The following POU6F2 variants were observed in gnomAD, a reference collection of about 807,000 sequenced individuals.
POU6F2 encodes the protein POU domain, class 6, transcription factor 2.
In POU6F2, 31 loss-of-function variants were observed where a neutral mutation model predicts 71.3. The ratio of observed to expected loss-of-function variants is 0.43; its 90% CI spans 0.33 to 0.59. The LOEUF is 0.59. Ranked by LOEUF, POU6F2 falls within the 20% of genes least tolerant of loss-of-function variation. The probability of loss-of-function intolerance (pLI) is 0.04; values close to 1 mark genes in which losing one functional copy is unlikely to be tolerated. For synonymous variants in POU6F2, 347 were observed against 355.7 expected (o/e 0.98, Z 0.27); for missense variants, 783 against 856.8 (o/e 0.91, Z 1.07).
chr7:39,419,998 C>T (rs555409629), intron 6 of POU6F2, among the ~76,000 whole-genome samples: 1 of 152,302 alleles, frequency 6.6e-6, no homozygotes, highest in Non-Finnish European at 1.5e-5. Flanking sequence ...GAGATATTAC[C>T]TGCTAGGCTC....
At chr7:39,225,971 GTTTTT>G (rs1297816460) in intron 4 of POU6F2, among the ~76,000 whole-genome samples, 1 of 151,070 alleles carries the variant, frequency 6.6e-6, no homozygotes, top group Non-Finnish European at 1.5e-5. Flanking sequence ...AAAAAAGGTT[GTTTTT>G]TTTTAAAAAA....
chr7:39,277,569 CA>C (rs1440194687), intron 4 of POU6F2, among the ~76,000 whole-genome samples: 2 of 152,204 alleles, frequency 1.3e-5, no homozygotes, highest in East Asian at 3.8e-4. Context: ...GCCTTGATTT[CA>C]GCCCTGGGGA....
chr7:39,009,395 T>C (rs944046023), intron 1 of POU6F2, among the ~76,000 whole-genome samples: 1 of 152,180 alleles, frequency 6.6e-6, no homozygotes, highest in African/African-American at 2.4e-5. Context: ...TTTGCTGAAG[T>C]TGCTTATCAG....
At chr7:39,263,969 T>A (rs927639202) in intron 4 of POU6F2, among the ~76,000 whole-genome samples, 2 of 152,226 alleles carry the variant, frequency 1.3e-5, no homozygotes, top group Non-Finnish European at 2.9e-5. Flanking sequence ...TTCTCCCAGC[T>A]CCTCAGTCTG....
intron 5 of POU6F2, among the ~76,000 whole-genome samples, chr7:39,380,851 C>T (rs1289420195): frequency 6.6e-6 from 1 of 152,108 alleles, no homozygotes; most frequent in Admixed American, 6.5e-5. Flanking sequence ...TTCCTCGTGT[C>T]GTGTGCACCA....
At chr7:39,268,338 T>C (rs1275100043) in intron 4 of POU6F2, among the ~76,000 whole-genome samples, 1 of 152,188 alleles carries the variant, frequency 6.6e-6, no homozygotes, top group Non-Finnish European at 1.5e-5. Context: ...CCTGATGTTA[T>C]CTTTATGAGT....
intron 2 of POU6F2, among the ~76,000 whole-genome samples, chr7:39,166,227 G>A (rs908393044): frequency 6.6e-6 from 1 of 152,174 alleles, no homozygotes; most frequent in African/African-American, 2.4e-5. Context: ...TTTAGGTCTG[G>A]TTTTTCAAAC....
intron 1 of POU6F2, among the ~76,000 whole-genome samples, chr7:38,988,197 C>T (rs914806556): frequency 2.6e-5 from 4 of 152,098 alleles, no homozygotes; most frequent in Admixed American, 1.3e-4. Flanking sequence ...GACTTGAACT[C>T]ATGTCATTTT....
At chr7:39,315,920 G>A (rs1785258284) in intron 4 of POU6F2, among the ~76,000 whole-genome samples, 1 of 152,134 alleles carries the variant, frequency 6.6e-6, no homozygotes, top group African/African-American at 2.4e-5. Flanking sequence ...CAAATTAAAT[G>A]GTTTTTCTTT....
chr7:39,028,837 A>T (rs577295934), intron 1 of POU6F2, among the ~76,000 whole-genome samples: 1 of 151,852 alleles, frequency 6.6e-6, no homozygotes, highest in African/African-American at 2.4e-5. Context: ...ACAGGGTCTT[A>T]CTCTGCCACC....
In POU6F2 at chr7:39,228,637, C is replaced by T. The variant is rs566585222; in HGVS notation, c.598+21017C>T. Among the ~76,000 whole-genome samples, 96 of 152,284 alleles carry T rather than the reference C, an allele frequency of 6.3e-4. 2 individuals are homozygous for T. In the South Asian group the frequency reaches 0.019, roughly 31 times the overall value. The stretch of plus-strand genomic sequence containing the variant: ...AGCCCATGTAATCACAGGATGCCGC[C>T]GAGGTCAATATTCCTTATTGGCTTT... On this transcript the variant is annotated intron_variant, in intron 4 of 9. Transcript: ENST00000518318.
chr7:39,292,474 T>A (rs1784778127), intron 4 of POU6F2, among the ~76,000 whole-genome samples: 1 of 152,204 alleles, frequency 6.6e-6, no homozygotes, highest in South Asian at 2.1e-4. Flanking sequence ...CATCTTTGTG[T>A]CCACCAACAG....
At chr7:39,139,212 G>A (rs1427021151) in intron 2 of POU6F2, among the ~76,000 whole-genome samples, 1 of 152,208 alleles carries the variant, frequency 6.6e-6, no homozygotes, top group East Asian at 1.9e-4. Flanking sequence ...TGATAGAAAT[G>A]TAATAGTTTC....
intron 5 of POU6F2, among the ~76,000 whole-genome samples, chr7:39,392,054 T>C (rs1240168727): frequency 6.6e-6 from 1 of 152,208 alleles, no homozygotes; most frequent in Non-Finnish European, 1.5e-5. Context: ...AAATATTTAT[T>C]TTTAGCCATA....
At chr7:39,324,122 A>G (rs1292173461) in intron 4 of POU6F2, among the ~76,000 whole-genome samples, 5 of 149,168 alleles carry the variant, frequency 3.4e-5, no homozygotes, top group African/African-American at 1.2e-4. Context: ...AAAAAAAAAG[A>G]AAAAAAAAAG....
At chr7:39,160,387 A>G (rs1196933293) in intron 2 of POU6F2, among the ~76,000 whole-genome samples, 1 of 151,930 alleles carries the variant, frequency 6.6e-6, no homozygotes, top group East Asian at 1.9e-4. Flanking sequence ...TCCCACAGAC[A>G]CTCTTCTGGT....
chr7:39,218,824 T>C (rs1287494303), intron 4 of POU6F2, among the ~76,000 whole-genome samples: 1 of 152,090 alleles, frequency 6.6e-6, no homozygotes, highest in Non-Finnish European at 1.5e-5. Context: ...CATGATTCGT[T>C]CAAATTTGCT....
intron 2 of POU6F2, among the ~76,000 whole-genome samples, chr7:39,175,139 G>A (rs897885479): frequency 6.6e-6 from 1 of 152,024 alleles, no homozygotes; most frequent in African/African-American, 2.4e-5. Flanking sequence ...TCCCTTGAAT[G>A]GGTGCCCTTT....
At chr7:39,172,247 T>TCTTTA (rs370138666) in intron 2 of POU6F2, among the ~76,000 whole-genome samples, 265 of 152,326 alleles carry the variant, frequency 1.7e-3, no homozygotes, top group African/African-American at 5.6e-3. Flanking sequence ...CGTTGTAAAC[T>TCTTTA]CTTTAGTCTT....
Sources: allele counts gnomAD v4.1 joint callset (sites outside exome capture counted in the v4.1 genomes callset), GRCh38; gene constraint gnomAD v4.1.1; transcripts MANE v1.5; gene names NCBI Gene and HGNC (gene_info 2026-07-23, HGNC 2026-07-21).